Variants in C8B observed in about 807,000 individuals in gnomAD.
C8B encodes the protein complement C8 beta chain, also known as complement component C8 beta chain.
Under a neutral mutation model 64.6 loss-of-function variants are expected in C8B, and 67 were observed. The ratio of observed to expected loss-of-function variants is 1.04; its 90% CI spans 0.85 to 1.27. The LOEUF is 1.27. Among genes scored for constraint, C8B ranks in the 50% most tolerant of loss-of-function variants. The pLI is 0.00. For missense variants in C8B, 790 were observed against 725.2 expected, an observed-to-expected ratio of 1.09 and a Z score of -1.03; for synonymous variants, 284 against 257.7, an observed-to-expected ratio of 1.10 and a Z score of -0.98.
chr1:56,962,591 G>A (rs1329582316), intron 1 of C8B, among the ~76,000 whole-genome samples: 1 of 152,156 alleles, frequency 6.6e-6, no homozygotes, highest in Non-Finnish European at 1.5e-5. Flanking sequence ...AATTAAGCAT[G>A]CCTAGAGAAG....
At chr1:56,944,197 A>G (rs1359466691) in intron 7 of C8B, among the ~76,000 whole-genome samples, 1 of 151,648 alleles carries the variant, frequency 6.6e-6, no homozygotes, top group Non-Finnish European at 1.5e-5. Context: ...ACCCTTCTCC[A>G]ATCTTTGATA....
At chr1:56,950,141 T>A (rs1169326763) in intron 5 of C8B, among the ~76,000 whole-genome samples, 1 of 152,148 alleles carries the variant, frequency 6.6e-6, no homozygotes, top group Non-Finnish European at 1.5e-5. Flanking sequence ...AAGGGGATGT[T>A]GTGAGAGGAT....
chr1:56,934,576 A>G (rs1644749320), intron 9 of C8B, among the ~76,000 whole-genome samples: 1 of 151,920 alleles, frequency 6.6e-6, no homozygotes, highest in Non-Finnish European at 1.5e-5. Context: ...TGCCCTGGAG[A>G]GTTTAGGGTA....
rs1324494545 is a variant in C8B, at chr1:56,948,588, G to A, written c.864+967C>T. Among the ~76,000 whole-genome samples the A allele has an allele frequency of 2.6e-5, 4 of 152,170 alleles. No individual in the cohort carries two copies. The East Asian group carries it at 7.7e-4, about 29-fold the overall frequency. On this transcript the variant is annotated intron_variant, in intron 6 of 11. Coordinates refer to ENST00000371237, the MANE Select transcript of C8B (RefSeq NM_000066.4). ...AAGCAGTGATGAAGGCTCATAGCTT[G>A]TCCCTGTAAAAGAGGAAGTGAGTCG...
In C8B at chr1:56,931,371, A is replaced by G. The variant is rs1185406681; in HGVS notation, c.1621+439T>C. ...GATAGATACATCAACCCAAAATACA[A>G]TGCACAAAGAGCTATAATAGATACA... On this transcript the variant is annotated intron_variant, in intron 11 of 11. Coordinates refer to ENST00000371237, the MANE Select transcript of C8B (RefSeq NM_000066.4). Among the ~76,000 whole-genome samples, 4 of 152,144 alleles carry G rather than the reference A, an allele frequency of 2.6e-5. No homozygotes were observed. In the East Asian group the frequency reaches 5.8e-4, roughly 22 times the overall value.
At chr1:56,959,685 G>A (rs980921307) in intron 2 of C8B, 11 of 1,405,910 alleles carry the variant, frequency 7.8e-6, no homozygotes, top group African/African-American at 1.4e-5. Flanking sequence ...ACTGTGAATG[G>A]TTTCCAAGTG....
intron 9 of C8B, among the ~76,000 whole-genome samples, chr1:56,934,084 C>T (rs1354828188): frequency 1.3e-5 from 2 of 152,140 alleles, no homozygotes; most frequent in African/African-American, 4.8e-5. Flanking sequence ...ACTGTCTGCA[C>T]TACTCATCTG....
intron 9 of C8B, among the ~76,000 whole-genome samples, chr1:56,936,715 C>A (rs1644781680): frequency 6.6e-6 from 1 of 151,954 alleles, no homozygotes; most frequent in Admixed American, 6.6e-5. Context: ...CTGCCTCAGC[C>A]TCCCGAGTAG....
At position 56,945,998 on chromosome 1, in the gene C8B, T is replaced by A. The variant is rs371944655; in HGVS notation, c.928A>T (p.Ser310Cys). ...AGGAACTCGTAATGGAGCATGAGGCTTCTGGGTTTCAGCTTGTAATGTGCT... is the reference window on the plus strand; with the variant it reads ...AGGAACTCGTAATGGAGCATGAGGCATCTGGGTTTCAGCTTGTAATGTGCT... ...EVAHYKLKPR[S>C]LMLHYEFLQR... The change falls in exon 7 of 12, where the codon AGC (serine) becomes TGC (cysteine). Residue 310 changes from serine (S) to cysteine (C), a missense_variant. Transcript: ENST00000371237. 6.8e-6 allele frequency: 11 copies of A among 1,614,036 alleles called. No homozygotes were observed. Among genetic ancestry groups the A allele is most frequent in the African/African-American group, 1.3e-5 (1 of 74,908 alleles).
intron 5 of C8B, among the ~76,000 whole-genome samples, chr1:56,950,082 G>A (rs1361348576): frequency 1.3e-5 from 2 of 152,226 alleles, no homozygotes; most frequent in Non-Finnish European, 2.9e-5. Flanking sequence ...CCCAGGAACT[G>A]CAAGGATAGC....
intron 11 of C8B, 138 bp downstream of exon 11, chr1:56,931,672 T>C: frequency 3.0e-6 from 2 of 667,834 alleles, no homozygotes; most frequent in South Asian, 3.1e-5. Context: ...GAGATGGAAT[T>C]TCAATCCAAG....
intron 5 of C8B, among the ~76,000 whole-genome samples, 190 bp downstream of exon 5, chr1:56,951,858 G>A (rs1031913682): frequency 9.9e-5 from 15 of 152,152 alleles, no homozygotes; most frequent in African/African-American, 2.4e-4. Context: ...CTCTACAACC[G>A]CCCTCCTGTT....
chr1:56,951,958 A>AC (rs1645025804), intron 5 of C8B, 90 bp downstream of exon 5: 7 of 1,416,884 alleles, frequency 4.9e-6, no homozygotes, highest in Non-Finnish European at 6.9e-6. Context: ...CAAAGAGAAA[A>AC]GGGCTAGCAG....
intron 1 of C8B, among the ~76,000 whole-genome samples, chr1:56,964,488 ACACT>A (rs1172627081): frequency 6.6e-6 from 1 of 152,148 alleles, no homozygotes; most frequent in Non-Finnish European, 1.5e-5. Context: ...CAGCTCTCTC[ACACT>A]CACGCACCGT....
chr1:56,962,215 A>G lies in C8B; in HGVS notation c.93-2039T>C, dbSNP rs189033178. On this transcript the variant is annotated intron_variant, in intron 1 of 11. Transcript: ENST00000371237. ...GATCACTTACGGAAAGAACTTGGTA[A>G]AAAGTAGTTATATCCACCACATCTC... Among the ~76,000 whole-genome samples, 155 of 152,372 alleles carry G rather than the reference A, an allele frequency of 1.0e-3. No homozygotes were observed. In the Middle Eastern group the frequency reaches 0.014, roughly 13 times the overall value.
chr1:56,932,094 T>C (rs914569990), intron 10 of C8B, among the ~76,000 whole-genome samples: 9 of 152,200 alleles, frequency 5.9e-5, no homozygotes, highest in African/African-American at 2.2e-4. Flanking sequence ...TAGGAATACA[T>C]AGAGTTGTTG....
intron 7 of C8B, among the ~76,000 whole-genome samples, chr1:56,944,902 A>G (rs1644919127): frequency 6.6e-6 from 1 of 152,172 alleles, no homozygotes; most frequent in Admixed American, 6.5e-5. Context: ...AACAAGTGCC[A>G]TGTCATAGGA....
chr1:56,944,861 T>C (rs933343488), intron 7 of C8B, among the ~76,000 whole-genome samples: 2 of 152,170 alleles, frequency 1.3e-5, no homozygotes, highest in Non-Finnish European at 2.9e-5. Flanking sequence ...ACCACTGCAA[T>C]CTGTGTGACC....
intron 1 of C8B, among the ~76,000 whole-genome samples, chr1:56,960,721 T>C (rs902674374): frequency 6.6e-6 from 1 of 152,098 alleles, no homozygotes; most frequent in East Asian, 1.9e-4. Flanking sequence ...GTGGAATGGA[T>C]AGAAAGTGAT....
Sources: allele counts gnomAD v4.1 joint callset (sites outside exome capture counted in the v4.1 genomes callset), GRCh38; gene constraint gnomAD v4.1.1; transcripts MANE v1.5; gene names NCBI Gene and HGNC (gene_info 2026-07-23, HGNC 2026-07-21).